Variants in TSPAN1 observed in about 807,000 individuals in gnomAD.
TSPAN1 encodes tetraspanin 1.
TSPAN1 carries 23 observed loss-of-function variants against 26.9 expected under a neutral mutation model. That is an observed-to-expected ratio of 0.85 (90% CI 0.62 to 1.21). The LOEUF is 1.21. Ranked by LOEUF, TSPAN1 falls within the 50% of genes most tolerant of loss-of-function variation. The pLI is 0.00. For synonymous variants in TSPAN1, 115 were observed against 114.8 expected (o/e 1.00, Z -0.01); for missense variants, 283 against 298.4 (o/e 0.95, Z 0.38).
chr1:46,184,615 A>T lies in TSPAN1; in HGVS notation c.286A>T (p.Ile96Phe). The change falls in exon 5 of 9, where the codon ATC becomes TTC. Residue 96 changes from isoleucine (I) to phenylalanine (F), a missense_variant. Ile to Phe is a conservative substitution (Grantham distance 21). Coordinates refer to ENST00000372003, the MANE Select transcript of TSPAN1 (RefSeq NM_005727.4). Reference sequence around the variant, plus strand: ...TCAGTTCTTCTTCATCCTCCTCCTCATCTTCATTGCTGAGGTTGCAGCTGC... The same window carrying T: ...TCAGTTCTTCTTCATCCTCCTCCTCTTCTTCATTGCTGAGGTTGCAGCTGC... ...LVTFFFILLL[I>F]FIAEVAAAVV... The T allele has an allele frequency of 6.2e-7, 1 of 1,614,108 alleles. No homozygotes were observed. Among genetic ancestry groups the T allele is most frequent in the Non-Finnish European group, 8.5e-7 (1 of 1,180,030 alleles).
At chr1:46,193,371 C>A in the TSPAN1 span, 14 of 1,612,974 alleles carry the variant, frequency 8.7e-6, no homozygotes, top group South Asian at 1.5e-4. Flanking sequence ...CAAACAGTGC[C>A]ACCACATCCA....
downstream of TSPAN1, chr1:46,189,477 C>T (rs199723646): frequency 5.6e-6 from 9 of 1,613,556 alleles, no homozygotes; most frequent in Non-Finnish European, 7.6e-6. Flanking sequence ...GAAGCCGGGA[C>T]CCCCACCATC....
the TSPAN1 span, chr1:46,196,027 G>A: frequency 6.8e-6 from 11 of 1,614,026 alleles, no homozygotes; most frequent in East Asian, 2.2e-4. This position sits in a 1 kb window ranked among gnomAD's most constrained non-coding sequence, Gnocchi z 4.4. Context: ...CCTGGTTGAG[G>A]ACAATGACAT....
At chr1:46,186,255 G>A (rs1657424981), downstream of TSPAN1, among the ~76,000 whole-genome samples, 1 of 152,066 alleles carries the variant, frequency 6.6e-6, no homozygotes, top group African/African-American at 2.4e-5. Context: ...GGAAAGCTAT[G>A]AAAATAACAA....
chr1:46,188,814 C>A, downstream of TSPAN1: 1 of 1,612,882 alleles, frequency 6.2e-7, no homozygotes, highest in Non-Finnish European at 8.5e-7. Flanking sequence ...AGCATGTGGG[C>A]CCCAGCTGGG....
chr1:46,185,816 C>A lies in TSPAN1; in HGVS notation c.*283C>A, dbSNP rs1158182985. Reference sequence around the variant, plus strand: ...CCCAGTCTATTAAACCCTTGATATGCCCCCTAGGCCTAGTGGTGATCCCAG... The same window carrying A: ...CCCAGTCTATTAAACCCTTGATATGACCCCTAGGCCTAGTGGTGATCCCAG... On this transcript the variant is annotated 3_prime_UTR_variant, in exon 9 of 9. Transcript: ENST00000372003. 2 of 532,916 alleles carry A rather than the reference C, an allele frequency of 3.8e-6. No homozygotes were observed. The highest frequency in any genetic ancestry group is 6.8e-6 in the Non-Finnish European group (2 of 295,792). The allele number at this position is 532,916 out of a possible 1,614,324, so 33.0% of individuals were successfully genotyped here.
chr1:46,190,882 C>T, downstream of TSPAN1: 3 of 1,158,086 alleles, frequency 2.6e-6, no homozygotes, highest in South Asian at 3.7e-5. Context: ...CAAATGAAGT[C>T]CTAGACCTGT....
At chr1:46,191,937 T>C in the TSPAN1 span, 19 of 1,246,840 alleles carry the variant, frequency 1.5e-5, no homozygotes, top group Admixed American at 2.6e-4. Context: ...CCCAGCCCTT[T>C]ATCCTCATTT....
downstream of TSPAN1, among the ~76,000 whole-genome samples, chr1:46,186,797 G>A (rs887155038): frequency 8.6e-5 from 13 of 151,902 alleles, no homozygotes; most frequent in Non-Finnish European, 1.6e-4. Flanking sequence ...CGAGTAGCTG[G>A]CACTACAGGC....
At chr1:46,192,536 G>A in the TSPAN1 span, 1 of 1,614,192 alleles carries the variant, frequency 6.2e-7, no homozygotes, top group Non-Finnish European at 8.5e-7. Flanking sequence ...TCCAGGCAGA[G>A]ATGCAGTACA....
intron 3 of TSPAN1, 183 bp from the exon 4 acceptor site, chr1:46,184,008 A>G: frequency 1.6e-6 from 1 of 638,404 alleles, no homozygotes; most frequent in South Asian, 1.9e-5. Context: ...GGTCCTAGCT[A>G]TGCATATCCC....
the TSPAN1 span, chr1:46,191,914 G>C: frequency 1.0e-6 from 1 of 954,068 alleles, no homozygotes. Context: ...GATTACAGGC[G>C]TGAGCCACCG....
rs138721574 is a variant in TSPAN1 at position 46,184,326 on chromosome 1, G to A, written c.193G>A (p.Val65Ile). 159 of 1,614,062 alleles carry A rather than the reference G, an allele frequency of 9.9e-5. No individual in the cohort carries two copies. The highest frequency in any genetic ancestry group is 3.7e-4 in the African/African-American group (28 of 74,912). ...GGGCTACTTCCTCATCGCAGCCGGC[G>A]TTGTGGTCTTTGCTCTTGGTTTCCT... ...NVGYFLIAAG[V>I]VVFALGFLGC... Residue 65 changes from valine to isoleucine, a missense_variant, in exon 4 of 9, where the codon GTT (valine) becomes ATT (isoleucine). Transcript: ENST00000372003.
At chr1:46,189,881 GTCA>G (rs777715386), downstream of TSPAN1, 5 of 1,613,846 alleles carry the variant, frequency 3.1e-6, no homozygotes, top group Non-Finnish European at 4.2e-6. Flanking sequence ...AGGTGGTGAA[GTCA>G]TCATCTTTCT....
At chr1:46,186,188 T>C (rs754863120), downstream of TSPAN1, among the ~76,000 whole-genome samples, 4 of 152,094 alleles carry the variant, frequency 2.6e-5, no homozygotes, top group Non-Finnish European at 4.4e-5. Context: ...TCTGCCTCCT[T>C]ATAAAGGGGA....
downstream of TSPAN1, chr1:46,189,942 A>G (rs765906814): frequency 1.6e-5 from 26 of 1,614,112 alleles, no homozygotes; most frequent in Non-Finnish European, 9.3e-6. Flanking sequence ...GTCTGGCAGG[A>G]AAGAGTCTTC....
At chr1:46,190,472 C>T (rs752700398), downstream of TSPAN1, 10 of 1,595,646 alleles carry the variant, frequency 6.3e-6, no homozygotes, top group Non-Finnish European at 7.7e-6. Context: ...CTAGGCCATA[C>T]CTGAGCAGCC....
At chr1:46,177,768 C>T (rs1459009243) in intron 1 of TSPAN1, among the ~76,000 whole-genome samples, 1 of 152,130 alleles carries the variant, frequency 6.6e-6, no homozygotes, top group African/African-American at 2.4e-5. Flanking sequence ...AAAAGTACCA[C>T]AAGTACTGGT....
the TSPAN1 span, chr1:46,192,962 G>A: frequency 6.2e-7 from 1 of 1,614,158 alleles, no homozygotes; most frequent in Admixed American, 1.7e-5. Context: ...TGGCCTCCTA[G>A]AAGGGGAATG....
Sources: gnomAD v4.1 joint callset for allele counts (sites outside exome capture counted in the v4.1 genomes callset) on GRCh38, gnomAD v4.1.1 for gene constraint, Gnocchi (gnomAD v3.1) non-coding constraint, MANE v1.5 for transcripts, NCBI Gene and HGNC (gene_info 2026-07-23, HGNC 2026-07-21) for gene names.